PHLPP1: variants seen among roughly 807,000 people sequenced by gnomAD.
The protein encoded by PHLPP1 is PH domain leucine-rich repeat-containing protein phosphatase 1.
Under a neutral mutation model 117.2 loss-of-function variants are expected in PHLPP1, and 42 were observed. The ratio of observed to expected loss-of-function variants is 0.36; its 90% CI spans 0.28 to 0.46. The LOEUF is 0.46. PHLPP1 is among the 20% of genes least tolerant of loss of function. PHLPP1 has a pLI of 1.00. For synonymous variants in PHLPP1, 1,042 were observed against 970.7 expected, an observed-to-expected ratio of 1.07 and a Z score of -1.37; for missense variants, 2,084 against 2,241.9, an observed-to-expected ratio of 0.93 and a Z score of 1.42.
At chr18:62,914,015 G>A (rs1170565116) in intron 8 of PHLPP1, among the ~76,000 whole-genome samples, 1 of 152,028 alleles carries the variant, frequency 6.6e-6, no homozygotes, top group Non-Finnish European at 1.5e-5. Flanking sequence ...AAAGTGCCGG[G>A]ATTACAAGCA....
At chr18:62,772,631 G>T (rs1020000748) in intron 1 of PHLPP1, among the ~76,000 whole-genome samples, 42 of 151,944 alleles carry the variant, frequency 2.8e-4, no homozygotes, top group African/African-American at 1.0e-3. Context: ...GGAGTTCAAG[G>T]CCAGCCTGGC....
At chr18:62,854,242 G>T (rs1287131726) in intron 3 of PHLPP1, among the ~76,000 whole-genome samples, 1 of 152,238 alleles carries the variant, frequency 6.6e-6, no homozygotes, top group Non-Finnish European at 1.5e-5. Context: ...TTCTGTAACA[G>T]AGATTTGAGG....
intron 9 of PHLPP1, among the ~76,000 whole-genome samples, chr18:62,917,795 CGGAGCTGAGACCCT>C (rs1356546468): frequency 1.3e-5 from 2 of 150,716 alleles, no homozygotes; most frequent in Non-Finnish European, 2.9e-5. Flanking sequence ...GCCTGGGCAA[CGGAGCTGAGACCCT>C]GCCTCTTAAA....
chr18:62,777,931 A>G (rs1027071941), intron 1 of PHLPP1, among the ~76,000 whole-genome samples: 10 of 152,308 alleles, frequency 6.6e-5, no homozygotes, highest in Non-Finnish European at 1.2e-4. Context: ...AATTACTCCA[A>G]TCATTCGTGT....
At chr18:62,890,659 T>C (rs1916383972) in intron 4 of PHLPP1, among the ~76,000 whole-genome samples, 2 of 152,216 alleles carry the variant, frequency 1.3e-5, no homozygotes, top group Admixed American at 1.3e-4. Context: ...CCTAGTAAAT[T>C]TGTTTGCACA....
intron 10 of PHLPP1, among the ~76,000 whole-genome samples, chr18:62,940,537 T>C (rs1215960631): frequency 6.6e-6 from 1 of 151,748 alleles, no homozygotes; most frequent in African/African-American, 2.4e-5. Flanking sequence ...GCTAATTTTT[T>C]GTATGTTTAG....
At chr18:62,944,256 C>T (rs557800251) in intron 11 of PHLPP1, among the ~76,000 whole-genome samples, 10 of 152,104 alleles carry the variant, frequency 6.6e-5, no homozygotes, top group Non-Finnish European at 1.3e-4. Context: ...GATACTATTA[C>T]AGTGATTGCA....
chr18:62,757,463 G>A (rs969373169), intron 1 of PHLPP1, among the ~76,000 whole-genome samples: 13 of 152,174 alleles, frequency 8.5e-5, no homozygotes, highest in Admixed American at 6.5e-5. Flanking sequence ...TCTCTTTGTA[G>A]TGCAGGCCAT....
intron 4 of PHLPP1, among the ~76,000 whole-genome samples, chr18:62,870,427 A>T (rs1915875395): frequency 1.3e-5 from 2 of 152,228 alleles, no homozygotes; most frequent in African/African-American, 2.4e-5. Flanking sequence ...TTAAATGTCC[A>T]GTCACTTAGT....
intron 12 of PHLPP1, 60 bp downstream of exon 12, chr18:62,945,331 A>G (rs1910249895): frequency 7.4e-7 from 1 of 1,350,468 alleles, no homozygotes; most frequent in Non-Finnish European, 1.0e-6. Flanking sequence ...TTGACTTCCT[A>G]ACTCATCAAC....
At chr18:62,874,230 G>A (rs545960033) in intron 4 of PHLPP1, among the ~76,000 whole-genome samples, 2 of 150,538 alleles carry the variant, frequency 1.3e-5, no homozygotes, top group South Asian at 4.2e-4. Context: ...GATATAGGCC[G>A]GTTGAGGTGA....
chr18:62,950,319 T>A (rs982959249), intron 12 of PHLPP1, among the ~76,000 whole-genome samples: 1 of 152,192 alleles, frequency 6.6e-6, no homozygotes. Context: ...GAAGTAGTTT[T>A]AATATGCTAT....
intron 1 of PHLPP1, among the ~76,000 whole-genome samples, chr18:62,734,469 A>G (rs1911313747): frequency 6.6e-6 from 1 of 152,254 alleles, no homozygotes; most frequent in Non-Finnish European, 1.5e-5. Flanking sequence ...AGTTGTCTTT[A>G]CTAATGACCT....
intron 1 of PHLPP1, among the ~76,000 whole-genome samples, chr18:62,750,720 T>G (rs532611513): frequency 4.0e-5 from 6 of 151,704 alleles, no homozygotes; most frequent in South Asian, 2.1e-4. Context: ...CCTAGTTGTT[T>G]TTTTTTTTTT....
rs143787542 is a variant in PHLPP1, at chr18:62,944,456, G to A, written c.3162-653G>A. The stretch of plus-strand genomic sequence containing the variant: ...TAGAACATATTATTAAGATAAGGTT[G>A]GAGAGATTCCTTCTTGGTAGATGTT... On this transcript the variant is annotated intron_variant, in intron 11 of 16. Coordinates refer to ENST00000262719, the MANE Select transcript of PHLPP1 (RefSeq NM_194449.4). Among the ~76,000 whole-genome samples, 881 of 152,324 alleles carry A rather than the reference G, an allele frequency of 5.8e-3. 2 individuals are homozygous for A. The highest frequency in any genetic ancestry group is 8.8e-3 in the Admixed American group (135 of 15,306).
At chr18:62,717,981 G>A (rs950476229) in intron 1 of PHLPP1, among the ~76,000 whole-genome samples, 2 of 152,152 alleles carry the variant, frequency 1.3e-5, no homozygotes, top group African/African-American at 4.8e-5. Flanking sequence ...TTGCAGGAAG[G>A]TTCACAAGAA....
intron 1 of PHLPP1, among the ~76,000 whole-genome samples, chr18:62,794,535 GTT>G (rs1417451745): frequency 6.6e-6 from 1 of 151,902 alleles, no homozygotes; most frequent in Non-Finnish European, 1.5e-5. Context: ...GCCCAGCTAA[GTT>G]TTGATTTTTT....
chr18:62,791,662 C>A (rs547680679), intron 1 of PHLPP1, among the ~76,000 whole-genome samples: 4 of 152,128 alleles, frequency 2.6e-5, no homozygotes, highest in South Asian at 4.1e-4. Context: ...TCATGAAATG[C>A]GTTAGGAAAG....
In PHLPP1 at chr18:62,979,524, A is replaced by G; in HGVS notation, c.*93A>G. The G allele has an allele frequency of 3.7e-6, 5 of 1,348,088 alleles. No individual in the cohort carries two copies. The highest frequency in any genetic ancestry group is 5.0e-6 in the Non-Finnish European group (5 of 992,918). 83.5% of individuals were successfully genotyped at this position (1,348,088 alleles called of 1,614,324 possible). A position where few individuals can be genotyped will look rare whatever the true frequency, so the allele number is the denominator to read the frequency against. On this transcript the variant is annotated 3_prime_UTR_variant, in exon 17 of 17. Transcript: ENST00000262719. ...CATTAAACCAGGGGTTTTACTCCAC[A>G]TCCTTCCCCCAGACACTGTTCCCAA...
Sources: allele counts gnomAD v4.1 joint callset (sites outside exome capture counted in the v4.1 genomes callset), GRCh38; gene constraint gnomAD v4.1.1; transcripts MANE v1.5; gene names NCBI Gene and HGNC (gene_info 2026-07-23, HGNC 2026-07-21).